CDIN1: variants seen among roughly 807,000 people sequenced by gnomAD.
CDIN1 encodes the protein CDAN1-interacting nuclease 1.
Under a neutral mutation model 45.3 loss-of-function variants are expected in CDIN1, and 33 were observed. The observed-to-expected ratio is 0.73, with a 90% CI of 0.55 to 0.97. The LOEUF (loss-of-function observed/expected upper bound fraction) is 0.97, where lower values mean the gene tolerates loss of function less well. Ranked by LOEUF, CDIN1 falls within the 50% of genes least tolerant of loss-of-function variation. CDIN1 has a pLI of 0.00. For missense variants in CDIN1, 303 were observed against 339.4 expected (o/e 0.89, Z 0.84); for synonymous variants, 118 against 124.4 (o/e 0.95, Z 0.34).
Position 36,756,855 on chromosome 15 carries a change from G to A in CDIN1, c.716+46894G>A, listed in dbSNP as rs1461729320. Among the ~76,000 whole-genome samples the A allele has an allele frequency of 2.0e-5, 3 of 152,218 alleles. No individual in the cohort carries two copies. In the East Asian group the frequency reaches 5.8e-4, roughly 29 times the overall value. On this transcript the variant is annotated intron_variant, in intron 10 of 10. Transcript: ENST00000566621. ...TGATGGCTTTTCGAGTGGTAATAAG[G>A]ACAATAGGGGCCCTGGCTAATTTGA...
intron 1 of CDIN1, among the ~76,000 whole-genome samples, chr15:36,589,760 T>A (rs1258610313): frequency 2.0e-5 from 3 of 152,182 alleles, no homozygotes; most frequent in Admixed American, 2.0e-4. Context: ...CGCCTCGGCC[T>A]CCCAAAGTGC....
At chr15:36,721,612 A>C (rs1388626989) in intron 10 of CDIN1, among the ~76,000 whole-genome samples, 2 of 152,130 alleles carry the variant, frequency 1.3e-5, no homozygotes, top group Non-Finnish European at 2.9e-5. Context: ...TTCTATGTAC[A>C]CTTGAAACTA....
At chr15:36,773,075 G>T (rs915705185) in intron 10 of CDIN1, among the ~76,000 whole-genome samples, 7 of 152,088 alleles carry the variant, frequency 4.6e-5, no homozygotes, top group African/African-American at 1.4e-4. Context: ...TGTGGGGGGT[G>T]GGGGGAGGTT....
intron 1 of CDIN1, among the ~76,000 whole-genome samples, chr15:36,586,649 G>T (rs2037314217): frequency 6.6e-6 from 1 of 152,198 alleles, no homozygotes; most frequent in Non-Finnish European, 1.5e-5. Flanking sequence ...AGGCTGAGAT[G>T]TGAGGATCAC....
intron 10 of CDIN1, among the ~76,000 whole-genome samples, chr15:36,740,105 A>G (rs2044177275): frequency 6.6e-6 from 1 of 152,232 alleles, no homozygotes; most frequent in Admixed American, 6.5e-5. Flanking sequence ...GTTGCCTACT[A>G]CATTAGAATA....
At chr15:36,619,509 A>ATCTATCTG (rs2039061868) in intron 1 of CDIN1, among the ~76,000 whole-genome samples, 1 of 151,628 alleles carries the variant, frequency 6.6e-6, no homozygotes, top group Non-Finnish European at 1.5e-5. Context: ...CTATCTATCT[A>ATCTATCTG]TCTATCTATC....
At chr15:36,684,253 A>G (rs920417699) in intron 5 of CDIN1, among the ~76,000 whole-genome samples, 7 of 151,534 alleles carry the variant, frequency 4.6e-5, no homozygotes, top group East Asian at 3.9e-4. Flanking sequence ...CGTCCCATCA[A>G]TACCTAATTT....
At chr15:36,653,116 G>T (rs2040636822) in intron 3 of CDIN1, among the ~76,000 whole-genome samples, 1 of 152,110 alleles carries the variant, frequency 6.6e-6, no homozygotes, top group South Asian at 2.1e-4. Flanking sequence ...CAACATTACA[G>T]TGGGGGATGG....
intron 10 of CDIN1, among the ~76,000 whole-genome samples, chr15:36,778,343 T>C (rs961740978): frequency 4.6e-5 from 7 of 152,112 alleles, no homozygotes; most frequent in Non-Finnish European, 7.3e-5. Context: ...GTGTTCCTAG[T>C]GCTATTTAAT....
chr15:36,657,969 C>A, intron 5 of CDIN1, 64 bp downstream of exon 5: 1 of 1,355,236 alleles, frequency 7.4e-7, no homozygotes, highest in Non-Finnish European at 1.0e-6. Context: ...AAATAATTTA[C>A]ACAGCATTTC....
chr15:36,695,738 T>G (rs2042399926), intron 7 of CDIN1, among the ~76,000 whole-genome samples: 1 of 151,866 alleles, frequency 6.6e-6, no homozygotes, highest in Non-Finnish European at 1.5e-5. Context: ...TTCCAGCTAC[T>G]CTGGAGGCTG....
intron 1 of CDIN1, among the ~76,000 whole-genome samples, chr15:36,634,118 G>T (rs923937708): frequency 3.3e-5 from 5 of 151,884 alleles, no homozygotes; most frequent in South Asian, 2.1e-4. Context: ...ATGCTCTTCA[G>T]TAATGTTTTA....
At chr15:36,732,896 G>C (rs2043882637) in intron 10 of CDIN1, among the ~76,000 whole-genome samples, 1 of 151,564 alleles carries the variant, frequency 6.6e-6, no homozygotes, top group Non-Finnish European at 1.5e-5. Flanking sequence ...TCATCTAATT[G>C]GCCACTACCA....
intron 1 of CDIN1, among the ~76,000 whole-genome samples, chr15:36,643,250 A>T (rs2040182537): frequency 6.6e-6 from 1 of 152,202 alleles, no homozygotes; most frequent in Non-Finnish European, 1.5e-5. Context: ...TAGAAACCAA[A>T]TTTGTAATGT....
At chr15:36,611,502 G>A (rs2038648467) in intron 1 of CDIN1, among the ~76,000 whole-genome samples, 1 of 152,162 alleles carries the variant, frequency 6.6e-6, no homozygotes, top group Non-Finnish European at 1.5e-5. Context: ...GAAAGACTGA[G>A]AAGGAAACTT....
chr15:36,609,199 T>C (rs1037477), intron 1 of CDIN1, among the ~76,000 whole-genome samples: 69,602 of 151,844 alleles, frequency 0.46, 16,394 homozygotes, highest in African/African-American at 0.54. Flanking sequence ...ATTATTTTTA[T>C]GGATGGGGGT....
At chr15:36,775,130 G>A (rs2054186559) in intron 10 of CDIN1, among the ~76,000 whole-genome samples, 1 of 152,156 alleles carries the variant, frequency 6.6e-6, no homozygotes, top group African/African-American at 2.4e-5. Context: ...AGATCAATCA[G>A]CCATGAAATA....
chr15:36,682,353 C>G (rs2041880374), intron 5 of CDIN1, among the ~76,000 whole-genome samples: 1 of 152,092 alleles, frequency 6.6e-6, no homozygotes, highest in Non-Finnish European at 1.5e-5. Flanking sequence ...CTTACTCAGC[C>G]TTTTAGTTCT....
At chr15:36,794,951 TA>T (rs928306888) in intron 10 of CDIN1, among the ~76,000 whole-genome samples, 10 of 152,024 alleles carry the variant, frequency 6.6e-5, no homozygotes, top group African/African-American at 2.4e-4. Context: ...TATTTGGCCA[TA>T]AAAAAAGAAT....
Sources: allele counts gnomAD v4.1 joint callset (sites outside exome capture counted in the v4.1 genomes callset), GRCh38; gene constraint gnomAD v4.1.1; transcripts MANE v1.5; gene names NCBI Gene and HGNC (gene_info 2026-07-23, HGNC 2026-07-21).